Variants in INPP5A observed in about 807,000 individuals in gnomAD.
INPP5A encodes the protein 43 kDa inositol polyphosphate 5-phophatase.
A neutral mutation model predicts 65.2 loss-of-function variants in INPP5A; 14 were observed. That is an observed-to-expected ratio of 0.21 (90% CI 0.14 to 0.34). The LOEUF (loss-of-function observed/expected upper bound fraction) is 0.34, where lower values mean the gene tolerates loss of function less well. INPP5A is among the 10% of genes least tolerant of loss of function. The pLI is 1.00. For missense variants in INPP5A, 431 were observed against 545.6 expected (o/e 0.79, Z 2.09); for synonymous variants, 207 against 208.3 (o/e 0.99, Z 0.05).
chr10:132,659,220 G>A lies in INPP5A; in HGVS notation c.306+8715G>A, dbSNP rs2072703032. 6.6e-6 allele frequency among the ~76,000 whole-genome samples: 1 copy of A among 152,202 alleles called. No individual in the cohort carries two copies. Among genetic ancestry groups the A allele is most frequent in the African/African-American group, 2.4e-5 (1 of 41,464 alleles). On this transcript the variant is annotated intron_variant, in intron 4 of 15. Coordinates refer to ENST00000368594, the MANE Select transcript of INPP5A (RefSeq NM_005539.5). This position sits in a 1 kb window ranked among gnomAD's most constrained non-coding sequence, Gnocchi z 5.5. ...GCACAGGGGTTCAGATTGAGGCCTG[G>A]GGCTGAGGAAGCAGGAAGTCCTGTC... is the stretch of plus-strand genomic sequence containing the variant.
chr10:132,729,433 C>T (rs1846043219), intron 9 of INPP5A, among the ~76,000 whole-genome samples: 1 of 152,234 alleles, frequency 6.6e-6, no homozygotes. Context: ...AGCACGGCAG[C>T]TCCTGCCCAG....
rs1459075627 is a variant in INPP5A at position 132,782,198 on chromosome 10, C to T, written c.*169C>T. ...AGCCTCCGGACCATTCCGGAGCAGC[C>T]TCACATACCTCACTGTCTCGTCTGT... On this transcript the variant is annotated 3_prime_UTR_variant, in exon 16 of 16. Transcript: ENST00000368594. The surrounding 1 kb of genome is among the most constrained non-coding windows in gnomAD (Gnocchi z 4.4). 1.1e-6 allele frequency: 1 copy of T among 925,966 alleles called. No individual in the cohort carries two copies. Among genetic ancestry groups the T allele is most frequent in the East Asian group, 3.1e-5 (1 of 32,740 alleles). 57.4% of individuals were successfully genotyped at this position (925,966 alleles called of 1,614,324 possible). A position where few individuals can be genotyped will look rare whatever the true frequency, so the allele number is the denominator to read the frequency against.
At chr10:132,779,981 T>C (rs536516206) in intron 13 of INPP5A, among the ~76,000 whole-genome samples, 1 of 152,382 alleles carries the variant, frequency 6.6e-6, no homozygotes, top group African/African-American at 2.4e-5. Flanking sequence ...CCTTTGTAAA[T>C]TACCACGCTG....
chr10:132,671,233 C>A (rs1159601757), intron 4 of INPP5A, among the ~76,000 whole-genome samples: 1 of 152,072 alleles, frequency 6.6e-6, no homozygotes, highest in Non-Finnish European at 1.5e-5. Context: ...CAACTGGGGC[C>A]CCTGGAGCCG....
intron 2 of INPP5A, among the ~76,000 whole-genome samples, chr10:132,617,154 TC>T (rs2072047022): frequency 6.6e-6 from 1 of 152,120 alleles, no homozygotes; most frequent in African/African-American, 2.4e-5. Context: ...ATTCTTGGTC[TC>T]CCAGTGACGA....
chr10:132,720,221 C>T (rs1370566134), intron 8 of INPP5A, among the ~76,000 whole-genome samples: 2 of 150,108 alleles, frequency 1.3e-5, no homozygotes, highest in East Asian at 2.0e-4. Flanking sequence ...CACCTGGGTT[C>T]TGTCTGGGCA....
chr10:132,719,429 C>G (rs1216913270), intron 8 of INPP5A, among the ~76,000 whole-genome samples: 12 of 107,302 alleles, frequency 1.1e-4, no homozygotes, highest in South Asian at 6.5e-4. Context: ...CGGCTGTCTT[C>G]AGGGTTCTGT....
chr10:132,601,057 C>G (rs2071770520), intron 1 of INPP5A, among the ~76,000 whole-genome samples: 1 of 152,200 alleles, frequency 6.6e-6, no homozygotes, highest in Non-Finnish European at 1.5e-5. Context: ...GAGGAGCTGC[C>G]ATTTTTCTTC....
chr10:132,592,287 A>G (rs562905926), intron 1 of INPP5A, among the ~76,000 whole-genome samples: 1 of 152,370 alleles, frequency 6.6e-6, no homozygotes, highest in South Asian at 2.1e-4. Flanking sequence ...GAGGAACAGG[A>G]GGATTCATAC....
intron 4 of INPP5A, among the ~76,000 whole-genome samples, chr10:132,688,857 T>A (rs1037540953): frequency 1.5e-4 from 23 of 151,900 alleles, no homozygotes; most frequent in African/African-American, 5.1e-4. Flanking sequence ...AGTGCGTGTG[T>A]GCATGAGTTA....
chr10:132,660,237 A>C (rs190471485), intron 4 of INPP5A, among the ~76,000 whole-genome samples: 2 of 152,382 alleles, frequency 1.3e-5, no homozygotes, highest in Admixed American at 1.3e-4. Context: ...CAGCATGGAA[A>C]AATTGAAAAA....
rs116223645 is a variant in INPP5A at position 132,747,370 on chromosome 10, G to A, written c.733-2147G>A. 2.1e-3 allele frequency among the ~76,000 whole-genome samples: 319 copies of A among 152,396 alleles called. 1 individual carries two copies. Among genetic ancestry groups the A allele is most frequent in the African/African-American group, 7.4e-3 (308 of 41,600 alleles). On this transcript the variant is annotated intron_variant, in intron 9 of 15. Coordinates refer to ENST00000368594, the MANE Select transcript of INPP5A (RefSeq NM_005539.5). ...TGACCCCATCAGCCGGTCTGTGCTC[G>A]GAATGTCAATGGCCTGCCCTGGAGT... is the stretch of plus-strand genomic sequence containing the variant.
At position 132,644,419 on chromosome 10, in the gene INPP5A, C is replaced by T. The variant is rs951067448; in HGVS notation, c.118-1449C>T. Among the ~76,000 whole-genome samples, 4 of 152,238 alleles carry T rather than the reference C, an allele frequency of 2.6e-5. No individual in the cohort carries two copies. The South Asian group carries it at 8.3e-4, about 32-fold the overall frequency. ...ACCTGCAGCACAGACAGGGCCTGTC[C>T]GCCGGGCTTGGTTGGAACCATTTCT... On this transcript the variant is annotated intron_variant, in intron 2 of 15. Coordinates refer to ENST00000368594, the MANE Select transcript of INPP5A (RefSeq NM_005539.5). This position sits in a 1 kb window ranked among gnomAD's most constrained non-coding sequence, Gnocchi z 6.5.
chr10:132,545,833 G>C lies in INPP5A; in HGVS notation c.75+7662G>C, dbSNP rs1433103904. ...TTCCAAGCTCCCCCTGCTTTGTGGA[G>C]CTCTGAGCGCTGGCTCCAGGCCGGC... is the stretch of plus-strand genomic sequence containing the variant. On this transcript the variant is annotated intron_variant, in intron 1 of 15. Transcript: ENST00000368594. This position sits in a 1 kb window ranked among gnomAD's most constrained non-coding sequence, Gnocchi z 4.6. 6.6e-6 allele frequency among the ~76,000 whole-genome samples: 1 copy of C among 152,208 alleles called. No homozygotes were observed. The highest frequency in any genetic ancestry group is 1.5e-5 in the Non-Finnish European group (1 of 68,040).
chr10:132,718,430 G>A (rs1476140416), intron 8 of INPP5A, among the ~76,000 whole-genome samples: 1 of 149,444 alleles, frequency 6.7e-6, no homozygotes, highest in Non-Finnish European at 1.5e-5. Flanking sequence ...TGGTACCTGG[G>A]TTCTGTCTGG....
At chr10:132,703,720 C>G (rs544672471) in intron 6 of INPP5A, among the ~76,000 whole-genome samples, 2 of 99,790 alleles carry the variant, frequency 2.0e-5, no homozygotes, top group African/African-American at 8.3e-5. Context: ...CCCCCACACA[C>G]TCACGGCTTC....
chr10:132,571,910 C>T (rs2071346056), intron 1 of INPP5A, among the ~76,000 whole-genome samples: 2 of 152,196 alleles, frequency 1.3e-5, no homozygotes, highest in African/African-American at 4.8e-5. Context: ...TAACGACCGA[C>T]TGGGCTAGAG....
intron 4 of INPP5A, among the ~76,000 whole-genome samples, chr10:132,687,777 C>CTG (rs1299681379): frequency 6.6e-6 from 1 of 152,228 alleles, no homozygotes; most frequent in Non-Finnish European, 1.5e-5. Context: ...GCCACCTGTG[C>CTG]TGGGTGGAGG....
chr10:132,553,756 G>T lies in INPP5A; in HGVS notation c.75+15585G>T, dbSNP rs536809091. On this transcript the variant is annotated intron_variant, in intron 1 of 15. Coordinates refer to ENST00000368594, the MANE Select transcript of INPP5A (RefSeq NM_005539.5). ...AACGCCTTCTCAGAGCCTTGGTGTG[G>T]AATATTGAGTAGGATAGGGAGGGAG... Among the ~76,000 whole-genome samples the T allele has an allele frequency of 2.2e-5, 3 of 134,276 alleles. No individual in the cohort carries two copies. The East Asian group carries it at 7.8e-4, about 35-fold the overall frequency. 88.1% of individuals were successfully genotyped at this position (134,276 alleles called of 152,430 possible).
Sources: allele counts gnomAD v4.1 joint callset (sites outside exome capture counted in the v4.1 genomes callset), GRCh38; gene constraint gnomAD v4.1.1; non-coding constraint Gnocchi (gnomAD v3.1); transcripts MANE v1.5; gene names NCBI Gene and HGNC (gene_info 2026-07-23, HGNC 2026-07-21).